LYPD6: variants seen among roughly 807,000 people sequenced by gnomAD.
The protein encoded by LYPD6 is LY6/PLAUR domain containing 6.
Under a neutral mutation model 22.7 loss-of-function variants are expected in LYPD6, and 15 were observed. That is an observed-to-expected ratio of 0.66 (90% CI 0.44 to 1.02). The LOEUF is 1.02. Ranked by LOEUF, LYPD6 falls within the 50% of genes least tolerant of loss-of-function variation. LYPD6 has a pLI of 0.00. For synonymous variants in LYPD6, 72 were observed against 77.5 expected (o/e 0.93, Z 0.37); for missense variants, 189 against 208.4 (o/e 0.91, Z 0.57).
the LYPD6 span, among the ~76,000 whole-genome samples, chr2:149,482,177 C>T: frequency 5.1e-4 from 77 of 152,226 alleles, no homozygotes; most frequent in African/African-American, 1.8e-3. Flanking sequence ...TTTCAAGACA[C>T]ATTAATTTTT....
chr2:149,413,558 GCACTTTC>G (rs1433622571), intron 1 of LYPD6, among the ~76,000 whole-genome samples: 2 of 152,066 alleles, frequency 1.3e-5, no homozygotes, highest in Non-Finnish European at 2.9e-5. Context: ...TGTGAGATTT[GCACTTTC>G]CACTTATTCT....
intron 1 of LYPD6, among the ~76,000 whole-genome samples, chr2:149,399,187 A>G (rs2105106785): frequency 6.6e-6 from 1 of 151,842 alleles, no homozygotes; most frequent in Non-Finnish European, 1.5e-5. Flanking sequence ...TTTGGAATTA[A>G]AAAAAATACA....
At chr2:149,373,240 C>T (rs1429465135) in intron 1 of LYPD6, among the ~76,000 whole-genome samples, 5 of 152,138 alleles carry the variant, frequency 3.3e-5, no homozygotes, top group Admixed American at 3.3e-4. Flanking sequence ...AAGAATTCAG[C>T]TGCAGGCAAG....
At chr2:149,386,294 T>G (rs1682183586) in intron 1 of LYPD6, among the ~76,000 whole-genome samples, 1 of 152,250 alleles carries the variant, frequency 6.6e-6, no homozygotes, top group Non-Finnish European at 1.5e-5. Flanking sequence ...CATTTCTTCC[T>G]CTGTGTAAGA....
At chr2:149,399,636 CATATAAAA>C (rs1682507596) in intron 1 of LYPD6, among the ~76,000 whole-genome samples, 1 of 147,468 alleles carries the variant, frequency 6.8e-6, no homozygotes, top group African/African-American at 2.5e-5. Flanking sequence ...AGAGCAAAAA[CATATAAAA>C]ATATAAAAAT....
chr2:149,391,469 T>C (rs1682308782), intron 1 of LYPD6, among the ~76,000 whole-genome samples: 1 of 152,114 alleles, frequency 6.6e-6, no homozygotes, highest in Non-Finnish European at 1.5e-5. Flanking sequence ...GTTTTTTTTT[T>C]CTTTAAACTT....
At chr2:149,450,381 A>G (rs1683780026) in intron 3 of LYPD6, among the ~76,000 whole-genome samples, 2 of 152,216 alleles carry the variant, frequency 1.3e-5, no homozygotes, top group South Asian at 4.1e-4. Context: ...TTCTGAGATT[A>G]GGGCCCTGCA....
At chr2:149,397,114 T>C (rs2105104598) in intron 1 of LYPD6, among the ~76,000 whole-genome samples, 1 of 152,348 alleles carries the variant, frequency 6.6e-6, no homozygotes, top group East Asian at 1.9e-4. Context: ...GTGTCGAACC[T>C]GTGGATATGG....
At chr2:149,467,773 C>G (rs1027831530) in intron 3 of LYPD6, among the ~76,000 whole-genome samples, 5 of 152,250 alleles carry the variant, frequency 3.3e-5, no homozygotes, top group African/African-American at 1.2e-4. Flanking sequence ...GAACATTCTC[C>G]TAAATCCCAG....
At chr2:149,460,818 A>G (rs1681071457) in intron 3 of LYPD6, among the ~76,000 whole-genome samples, 1 of 152,152 alleles carries the variant, frequency 6.6e-6, no homozygotes, top group Non-Finnish European at 1.5e-5. Flanking sequence ...CTAGAGATCA[A>G]TGACAGAAAG....
At chr2:149,378,882 A>G (rs972220917) in intron 1 of LYPD6, among the ~76,000 whole-genome samples, 2 of 152,208 alleles carry the variant, frequency 1.3e-5, no homozygotes, top group Admixed American at 1.3e-4. Context: ...CTTGTTTTCT[A>G]TACAGTGTTT....
At chr2:149,454,115 T>C (rs1403582825) in intron 3 of LYPD6, among the ~76,000 whole-genome samples, 3 of 152,234 alleles carry the variant, frequency 2.0e-5, no homozygotes, top group African/African-American at 7.2e-5. Context: ...CATCATATTA[T>C]TGTCATATTG....
rs1196692 is a variant in LYPD6, at chr2:149,346,237, A to G, written c.-72+15515A>G. ...ACTCACAAACTTGATGTTAATTCGT[A>G]TTTAATGTTTGTTTTTCTATTTAAA... is the stretch of plus-strand genomic sequence containing the variant. On this transcript the variant is annotated intron_variant, in intron 1 of 4. Transcript: ENST00000334166. 1.0e-2 allele frequency among the ~76,000 whole-genome samples: 1,502 copies of G among 150,812 alleles called. 27 individuals carry two copies. Among genetic ancestry groups the G allele is most frequent in the African/African-American group, 0.032 (1,325 of 41,112 alleles).
rs1230893893 is a variant in LYPD6 at position 149,461,318 on chromosome 2, C to T, written c.218-7327C>T. On this transcript the variant is annotated intron_variant, in intron 3 of 4. Transcript: ENST00000334166. The stretch of plus-strand genomic sequence containing the variant: ...ACAAGTTAGATGAAATGGACCATAA[C>T]TCAAAAAACAAAGTACCACAATTCA... 4.0e-5 allele frequency among the ~76,000 whole-genome samples: 6 copies of T among 151,724 alleles called. 1 individual carries two copies. Among genetic ancestry groups the T allele is most frequent in the Non-Finnish European group, 7.4e-5 (5 of 67,804 alleles).
chr2:149,397,998 A>G (rs1396199801), intron 1 of LYPD6, among the ~76,000 whole-genome samples: 1 of 152,238 alleles, frequency 6.6e-6, no homozygotes, highest in Non-Finnish European at 1.5e-5. Flanking sequence ...AACTCCATTA[A>G]GAAAAAAAAC....
At chr2:149,365,978 A>T (rs1411050623) in intron 1 of LYPD6, among the ~76,000 whole-genome samples, 1 of 152,194 alleles carries the variant, frequency 6.6e-6, no homozygotes, top group Non-Finnish European at 1.5e-5. Flanking sequence ...GTATGTGTGC[A>T]ACTAGTGGAA....
chr2:149,452,890 C>T (rs1268310764), intron 3 of LYPD6, among the ~76,000 whole-genome samples: 2 of 152,210 alleles, frequency 1.3e-5, no homozygotes, highest in South Asian at 2.1e-4. Flanking sequence ...GGACACACCT[C>T]TAGCTAACTC....
At chr2:149,381,134 G>C (rs1682052887) in intron 1 of LYPD6, among the ~76,000 whole-genome samples, 1 of 152,220 alleles carries the variant, frequency 6.6e-6, no homozygotes, top group South Asian at 2.1e-4. Flanking sequence ...GGAAGAAGAG[G>C]AACTGGAGAC....
At chr2:149,363,903 C>T (rs796074226) in intron 1 of LYPD6, among the ~76,000 whole-genome samples, 3 of 152,230 alleles carry the variant, frequency 2.0e-5, no homozygotes, top group Non-Finnish European at 2.9e-5. Context: ...CTTTTGCCCT[C>T]CTAGTTCTCA....
Sources: allele counts gnomAD v4.1 joint callset (sites outside exome capture counted in the v4.1 genomes callset), GRCh38; gene constraint gnomAD v4.1.1; transcripts MANE v1.5; gene names NCBI Gene and HGNC (gene_info 2026-07-23, HGNC 2026-07-21).